The following RUVBL1 variants were observed in gnomAD, a reference collection of about 807,000 sequenced individuals.
RUVBL1 encodes the protein ruvB-like 1.
Under a neutral mutation model 52.4 loss-of-function variants are expected in RUVBL1, and 4 were observed. The observed-to-expected ratio is 0.08, with a 90% CI of 0.04 to 0.17. RUVBL1 has a LOEUF of 0.17. RUVBL1 is among the 10% of genes least tolerant of loss of function. RUVBL1 has a pLI of 1.00. For missense variants in RUVBL1, 298 were observed against 572.8 expected, an observed-to-expected ratio of 0.52 and a Z score of 4.90; for synonymous variants, 217 against 214.4, an observed-to-expected ratio of 1.01 and a Z score of -0.10.
chr3:128,088,640 T>C (rs1025193373), intron 8 of RUVBL1, among the ~76,000 whole-genome samples: 1 of 151,930 alleles, frequency 6.6e-6, no homozygotes. Flanking sequence ...TCTTGTTCTG[T>C]GGCCCAGGCT....
intron 1 of RUVBL1, among the ~76,000 whole-genome samples, chr3:128,147,429 T>C (rs903947107): frequency 2.6e-5 from 4 of 152,102 alleles, no homozygotes; most frequent in Non-Finnish European, 4.4e-5. Flanking sequence ...AGACTCCATC[T>C]TTACAAAAAA....
chr3:128,076,398 G>C (rs1942327398), downstream of RUVBL1, among the ~76,000 whole-genome samples: 1 of 152,176 alleles, frequency 6.6e-6, no homozygotes, highest in Admixed American at 6.5e-5. This position sits in a 1 kb window ranked among gnomAD's most constrained non-coding sequence, Gnocchi z 6.8. Context: ...GGCCGGCATG[G>C]AGAGGCGGGG....
rs552050347 is a variant in RUVBL1, at chr3:128,114,282, G to A, written c.229-1262C>T. ...CTGAAGAACAAAGTGAAACTGAGACGGTGTCTTAAAATTAACAGTCAAGGT... is the reference window on the plus strand; with the variant it reads ...CTGAAGAACAAAGTGAAACTGAGACAGTGTCTTAAAATTAACAGTCAAGGT... On this transcript the variant is annotated intron_variant, in intron 2 of 10. Transcript: ENST00000322623. 9.9e-5 allele frequency among the ~76,000 whole-genome samples: 15 copies of A among 152,210 alleles called. No individual in the cohort carries two copies. The South Asian group carries it at 2.7e-3, about 27-fold the overall frequency.
chr3:128,131,424 G>A (rs1419072334), intron 1 of RUVBL1, among the ~76,000 whole-genome samples: 19 of 152,174 alleles, frequency 1.2e-4, no homozygotes, highest in Non-Finnish European at 2.8e-4. Context: ...GTTGCAGTGA[G>A]CCAAGATCAC....
intron 1 of RUVBL1, among the ~76,000 whole-genome samples, chr3:128,140,520 C>A (rs935633832): frequency 1.3e-5 from 2 of 152,040 alleles, no homozygotes; most frequent in African/African-American, 4.8e-5. Flanking sequence ...TTTGCTGACA[C>A]CTTATAGGTG....
chr3:128,147,356 C>T (rs1944121167), intron 1 of RUVBL1, among the ~76,000 whole-genome samples: 1 of 152,110 alleles, frequency 6.6e-6, no homozygotes, highest in African/African-American at 2.4e-5. Context: ...AGGCATGAGC[C>T]ACCACATCCT....
At chr3:128,065,396 A>AGGTAACTTCT (rs1941936120) in intron 9 of RUVBL1, 2 of 550,902 alleles carry the variant, frequency 3.6e-6, no homozygotes, top group East Asian at 5.9e-5. Context: ...TGATATTTAT[A>AGGTAACTTCT]GGTAACTTCT....
chr3:128,121,438 C>T (rs1335924619), intron 1 of RUVBL1, among the ~76,000 whole-genome samples: 3 of 149,712 alleles, frequency 2.0e-5, no homozygotes, highest in Non-Finnish European at 4.4e-5. Context: ...TAGCCAGGCG[C>T]GTTGGCTCAT....
chr3:128,140,398 G>A (rs1312843345), intron 1 of RUVBL1, among the ~76,000 whole-genome samples: 1 of 151,318 alleles, frequency 6.6e-6, no homozygotes, highest in African/African-American at 2.4e-5. Context: ...CTGCTCCCAC[G>A]TTTTCAGCAG....
chr3:128,130,793 T>A (rs947983844), intron 1 of RUVBL1, among the ~76,000 whole-genome samples: 1 of 151,618 alleles, frequency 6.6e-6, no homozygotes, highest in Non-Finnish European at 1.5e-5. Context: ...TGGGACTACA[T>A]GCGCCTGCCA....
At chr3:128,128,177 G>A (rs1213071358), upstream of RUVBL1, among the ~76,000 whole-genome samples, 1 of 152,144 alleles carries the variant, frequency 6.6e-6, no homozygotes, top group African/African-American at 2.4e-5. Context: ...TGTAAAGACA[G>A]GGGTCTTGCT....
At chr3:128,153,626 C>T (rs76829052) in exon 1 of RUVBL1, 49 of 1,597,252 alleles carry the variant, frequency 3.1e-5, no homozygotes, top group Admixed American at 6.7e-5. Context: ...GACAAGCAGC[C>T]GCAGAGCCGC....
intron 9 of RUVBL1, chr3:128,083,837 G>C (rs1942554855): frequency 6.6e-6 from 1 of 152,376 alleles, no homozygotes; most frequent in East Asian, 1.9e-4. Flanking sequence ...CAGCACTTTG[G>C]GAGGCGGAGG....
intron 9 of RUVBL1, chr3:128,085,051 C>T (rs1942601910): frequency 6.6e-6 from 1 of 152,268 alleles, no homozygotes; most frequent in African/African-American, 2.4e-5. Context: ...CACATAGCCA[C>T]AGGACCCTCG....
chr3:128,147,361 C>T (rs918235065), intron 1 of RUVBL1, among the ~76,000 whole-genome samples: 6 of 152,150 alleles, frequency 3.9e-5, no homozygotes, highest in African/African-American at 1.4e-4. Context: ...TGAGCCACCA[C>T]ATCCTGCAAG....
chr3:128,117,137 AG>A (rs1365275681), intron 2 of RUVBL1, among the ~76,000 whole-genome samples: 1 of 152,222 alleles, frequency 6.6e-6, no homozygotes, highest in Non-Finnish European at 1.5e-5. Context: ...CAAAATGAAA[AG>A]GAAAAAAATA....
At chr3:128,089,841 A>C (rs1458336045) in intron 8 of RUVBL1, among the ~76,000 whole-genome samples, 2 of 140,884 alleles carry the variant, frequency 1.4e-5, no homozygotes, top group Non-Finnish European at 3.0e-5. Flanking sequence ...GCCCAGGAGG[A>C]AGAGGTTGCA....
intron 1 of RUVBL1, among the ~76,000 whole-genome samples, chr3:128,136,661 G>A: frequency 6.9e-6 from 1 of 144,136 alleles, no homozygotes; most frequent in African/African-American, 2.5e-5. Context: ...TTGCCTATAA[G>A]AAACATATTT....
chr3:128,095,392 C>A (rs1942945597), intron 8 of RUVBL1, among the ~76,000 whole-genome samples: 1 of 152,252 alleles, frequency 6.6e-6, no homozygotes, highest in African/African-American at 2.4e-5. Context: ...CTAGCCAAGG[C>A]TAAGCAAGTC....
Sources: gnomAD v4.1 joint callset for allele counts (sites outside exome capture counted in the v4.1 genomes callset) on GRCh38, gnomAD v4.1.1 for gene constraint, Gnocchi (gnomAD v3.1) non-coding constraint, MANE v1.5 for transcripts, NCBI Gene and HGNC (gene_info 2026-07-23, HGNC 2026-07-21) for gene names.